Variants in ADSS2 observed in about 807,000 individuals in gnomAD.
ADSS2 encodes the protein adenylosuccinate synthetase isozyme 2.
ADSS2 carries 30 observed loss-of-function variants against 60.0 expected under a neutral mutation model. The observed-to-expected ratio is 0.50, with a 90% confidence interval of 0.37 to 0.68. The LOEUF (loss-of-function observed/expected upper bound fraction) is 0.68, where lower values mean the gene tolerates loss of function less well. Among genes scored for constraint, ADSS2 ranks in the 30% least tolerant of loss-of-function variants. The pLI is 0.00. For synonymous variants in ADSS2, 187 were observed against 193.1 expected (o/e 0.97, Z 0.26); for missense variants, 373 against 554.8 (o/e 0.67, Z 3.29).
At chr1:244,425,166 A>C (rs1664775998) in intron 4 of ADSS2, among the ~76,000 whole-genome samples, 1 of 152,220 alleles carries the variant, frequency 6.6e-6, no homozygotes, top group African/African-American at 2.4e-5. Flanking sequence ...TTTCCGGTGC[A>C]AACATGTCCT....
In ADSS2 at chr1:244,415,907, T is replaced by C. The variant is rs976358246; in HGVS notation, c.1168+74A>G. ...CTGTCGCTATCTATCACAAATTATA[T>C]GGAAGAGCTTTATGAAACTGCTCTA... On this transcript the variant is annotated intron_variant, in intron 11 of 12. Coordinates refer to ENST00000366535, the MANE Select transcript of ADSS2 (RefSeq NM_001126.5). 10 of 1,098,412 alleles carry C rather than the reference T, an allele frequency of 9.1e-6. No homozygotes were observed. The African/African-American group carries it at 1.6e-4, about 17-fold the overall frequency. The allele number at this position is 1,098,412 out of a possible 1,614,324, so 68.0% of individuals were successfully genotyped here. A position where few individuals can be genotyped will look rare whatever the true frequency, so the allele number is the denominator to read the frequency against.
intron 1 of ADSS2, among the ~76,000 whole-genome samples, chr1:244,438,875 A>G (rs1665165701): frequency 6.6e-6 from 1 of 152,162 alleles, no homozygotes; most frequent in Non-Finnish European, 1.5e-5. Flanking sequence ...CTATCACCTC[A>G]AGCATTTATC....
At chr1:244,447,970 G>A (rs888389850) in intron 1 of ADSS2, among the ~76,000 whole-genome samples, 17 of 152,084 alleles carry the variant, frequency 1.1e-4, no homozygotes, top group Non-Finnish European at 2.2e-4. Context: ...TTATAGTAGA[G>A]AAAGCACAGT....
intron 1 of ADSS2, among the ~76,000 whole-genome samples, chr1:244,447,334 T>TA (rs779070023): frequency 6.6e-6 from 1 of 152,182 alleles, no homozygotes; most frequent in Non-Finnish European, 1.5e-5. Context: ...CAGTTTTTCT[T>TA]AGAGATACTT....
At chr1:244,426,565 C>T (rs1396332157) in intron 4 of ADSS2, among the ~76,000 whole-genome samples, 1 of 152,118 alleles carries the variant, frequency 6.6e-6, no homozygotes, top group African/African-American at 2.4e-5. Context: ...CATAACTGTG[C>T]ACCTTTAGCT....
Position 244,409,279 on chromosome 1 carries a change from T to C in ADSS2, c.*307A>G, listed in dbSNP as rs3087609. On this transcript the variant is annotated 3_prime_UTR_variant, in exon 13 of 13. Coordinates refer to ENST00000366535, the MANE Select transcript of ADSS2 (RefSeq NM_001126.5). ...TAATGAAGAAAAACTACATTAAAAG[T>C]AATTCTACTTTTGATATCAAACAAC... The C allele has an allele frequency of 0.16, 37,059 of 237,114 alleles. 3,550 individuals carry two copies. Among genetic ancestry groups the C allele is most frequent in the South Asian group, 0.32 (2,189 of 6,870 alleles). The allele number at this position is 237,114 out of a possible 1,614,324, so 14.7% of individuals were successfully genotyped here.
At chr1:244,428,812 T>C (rs1664866422) in intron 4 of ADSS2, among the ~76,000 whole-genome samples, 1 of 152,026 alleles carries the variant, frequency 6.6e-6, no homozygotes, top group Non-Finnish European at 1.5e-5. Context: ...TTAGAAAACA[T>C]AAATATCTAA....
At chr1:244,433,686 C>T (rs566193176) in intron 3 of ADSS2, among the ~76,000 whole-genome samples, 7 of 151,946 alleles carry the variant, frequency 4.6e-5, no homozygotes, top group African/African-American at 1.7e-4. Flanking sequence ...GGTGAAACCC[C>T]GTCTTTACTA....
At chr1:244,427,318 G>A (rs1248101519) in intron 4 of ADSS2, among the ~76,000 whole-genome samples, 1 of 152,074 alleles carries the variant, frequency 6.6e-6, no homozygotes. Flanking sequence ...ACAGCCCCTA[G>A]AGCAACTACC....
chr1:244,447,621 T>C (rs762085722), intron 1 of ADSS2, among the ~76,000 whole-genome samples: 4 of 152,192 alleles, frequency 2.6e-5, no homozygotes, highest in Non-Finnish European at 5.9e-5. Flanking sequence ...AAATATCAGT[T>C]ACCTATTTTC....
In ADSS2 at chr1:244,416,690, C is replaced by T. The variant is rs141880042; in HGVS notation, c.1071-612G>A. 3.3e-3 allele frequency among the ~76,000 whole-genome samples: 506 copies of T among 152,318 alleles called. 4 individuals carry two copies. Among genetic ancestry groups the T allele is most frequent in the African/African-American group, 0.012 (482 of 41,560 alleles). ...AGGGCTGCCTGGAGTTAAGGTTGCA[C>T]TGTGGCCGTGGAACACAGCAGAACT... is the stretch of plus-strand genomic sequence containing the variant. On this transcript the variant is annotated intron_variant, in intron 10 of 12. Coordinates refer to ENST00000366535, the MANE Select transcript of ADSS2 (RefSeq NM_001126.5).
intron 1 of ADSS2, among the ~76,000 whole-genome samples, chr1:244,449,619 AATCT>A (rs376737993): frequency 7.2e-5 from 11 of 152,246 alleles, no homozygotes; most frequent in African/African-American, 2.7e-4. Context: ...ATAATGCTTA[AATCT>A]ATTCATTACT....
intron 1 of ADSS2, among the ~76,000 whole-genome samples, chr1:244,444,291 G>A (rs945095466): frequency 6.0e-5 from 9 of 151,202 alleles, no homozygotes; most frequent in Middle Eastern, 3.2e-3. Context: ...CGAGGCGGGC[G>A]GATCACGAGG....
At chr1:244,412,232 A>C (rs1664432638) in intron 11 of ADSS2, among the ~76,000 whole-genome samples, 1 of 152,128 alleles carries the variant, frequency 6.6e-6, no homozygotes, top group Non-Finnish European at 1.5e-5. Context: ...TTGCAACTAT[A>C]TTGCAGTGCA....
rs2148021738 is a variant in ADSS2 at position 244,451,025 on chromosome 1, G to A, written c.183+610C>T. Among the ~76,000 whole-genome samples, 1 of 152,274 alleles carries A rather than the reference G, an allele frequency of 6.6e-6. No individual in the cohort carries two copies. The highest frequency in any genetic ancestry group is 1.5e-5 in the Non-Finnish European group (1 of 68,010). On this transcript the variant is annotated intron_variant, in intron 1 of 12. Coordinates refer to ENST00000366535, the MANE Select transcript of ADSS2 (RefSeq NM_001126.5). The surrounding 1 kb of genome is among the most constrained non-coding windows in gnomAD (Gnocchi z 6.6). The stretch of plus-strand genomic sequence containing the variant: ...CAAAAACAAAAACAAGAAACTCAGG[G>A]CCCTAAAACAACAGTCCAAAGCCCA...
intron 4 of ADSS2, among the ~76,000 whole-genome samples, chr1:244,430,064 T>C (rs1018347992): frequency 3.3e-5 from 5 of 152,002 alleles, no homozygotes; most frequent in African/African-American, 1.2e-4. Flanking sequence ...ACAGGCTCAG[T>C]CCTCTGTCAG....
chr1:244,409,794 G>A (rs544010767), intron 12 of ADSS2, among the ~76,000 whole-genome samples, 156 bp from the exon 13 acceptor site: 7 of 152,134 alleles, frequency 4.6e-5, no homozygotes, highest in African/African-American at 1.7e-4. Context: ...AGACTGTGCC[G>A]ATTTCTAAAC....
chr1:244,421,607 T>G (rs777003812), intron 7 of ADSS2, among the ~76,000 whole-genome samples: 6 of 152,202 alleles, frequency 3.9e-5, no homozygotes, highest in Non-Finnish European at 8.8e-5. Flanking sequence ...GGAACACATA[T>G]AAAATGGAAT....
At position 244,432,569 on chromosome 1, in the gene ADSS2, T is replaced by C; in HGVS notation, c.382A>G (p.Ile128Val). 6.3e-7 allele frequency: 1 copy of C among 1,581,590 alleles called. No individual in the cohort carries two copies. The highest frequency in any genetic ancestry group is 8.6e-7 in the Non-Finnish European group (1 of 1,161,492). The change falls in exon 4 of 13, where the codon ATT becomes GTT. Residue 128 changes from isoleucine to valine, a missense_variant. By Grantham distance (29) the Ile-to-Val change is conservative. Transcript: ENST00000366535. ...CCAATATGAGCTCTGTCAGATATAA[T>C]AAGCCTTTTTTCCCAGCCTTCTAGT... Reference protein sequence around the residue: ...KGLEGWEKRLIISDRAHIVFD... With the variant: ...KGLEGWEKRLVISDRAHIVFD...
Sources: allele counts gnomAD v4.1 joint callset (sites outside exome capture counted in the v4.1 genomes callset), GRCh38; gene constraint gnomAD v4.1.1; non-coding constraint Gnocchi (gnomAD v3.1); transcripts MANE v1.5; gene names NCBI Gene and HGNC (gene_info 2026-07-23, HGNC 2026-07-21).